The following LUZP2 variants were observed in gnomAD, a reference collection of about 807,000 sequenced individuals.
LUZP2 encodes the protein leucine zipper protein 2.
A neutral mutation model predicts 51.6 loss-of-function variants in LUZP2; 52 were observed. That is an observed-to-expected ratio of 1.01 (90% CI 0.81 to 1.27). The LOEUF (loss-of-function observed/expected upper bound fraction) is 1.27, where lower values mean the gene tolerates loss of function less well. LUZP2 is among the 50% of genes most tolerant of loss of function. LUZP2 has a pLI of 0.00. For synonymous variants in LUZP2, 154 were observed against 137.3 expected, an observed-to-expected ratio of 1.12 and a Z score of -0.85; for missense variants, 436 against 395.4, an observed-to-expected ratio of 1.10 and a Z score of -0.87.
At position 25,077,510 on chromosome 11, in the gene LUZP2, AT is replaced by A. The variant is rs374182048; in HGVS notation, c.936+111del. On this transcript the variant is annotated intron_variant, in intron 11 of 11. Transcript: ENST00000336930. Reference sequence around the variant, plus strand: ...ATTATTTTTTATTTTTTATTTATTTATTTTTTTGAGACAGAGTCTTGCTCTA... The same window carrying A: ...ATTATTTTTTATTTTTTATTTATTTATTTTTTGAGACAGAGTCTTGCTCTA... 4.9e-3 allele frequency: 1,873 copies of A among 385,454 alleles called. 37 individuals carry two copies. Among genetic ancestry groups the A allele is most frequent in the African/African-American group, 0.038 (1,745 of 46,042 alleles). The allele number at this position is 385,454 out of a possible 1,614,324, so 23.9% of individuals were successfully genotyped here. A position where few individuals can be genotyped will look rare whatever the true frequency, so the allele number is the denominator to read the frequency against.
chr11:24,998,252 G>T (rs1004589088), intron 9 of LUZP2, among the ~76,000 whole-genome samples: 6 of 152,174 alleles, frequency 3.9e-5, no homozygotes, highest in Non-Finnish European at 7.3e-5. Flanking sequence ...CTACCCATGA[G>T]CATGGAATGT....
intron 1 of LUZP2, among the ~76,000 whole-genome samples, chr11:24,539,725 GC>G (rs1851296387): frequency 6.6e-6 from 1 of 151,950 alleles, no homozygotes; most frequent in South Asian, 2.1e-4. Flanking sequence ...AACCTACAAT[GC>G]CTTTTAGCTG....
At chr11:24,651,394 A>C (rs1397648289) in intron 1 of LUZP2, among the ~76,000 whole-genome samples, 1 of 152,106 alleles carries the variant, frequency 6.6e-6, no homozygotes, top group Non-Finnish European at 1.5e-5. Flanking sequence ...ACACAACTAC[A>C]AATACACACA....
chr11:24,677,414 T>C (rs991374802), intron 1 of LUZP2, among the ~76,000 whole-genome samples: 5 of 152,338 alleles, frequency 3.3e-5, no homozygotes, highest in African/African-American at 1.2e-4. Flanking sequence ...ACTTCTGTCT[T>C]CGTGTAGGTA....
chr11:25,042,651 A>G (rs1429117615), intron 9 of LUZP2, among the ~76,000 whole-genome samples: 1 of 152,190 alleles, frequency 6.6e-6, no homozygotes, highest in Non-Finnish European at 1.5e-5. Flanking sequence ...GAAATCTGCC[A>G]GGACTATACT....
chr11:24,532,571 C>A (rs1851041129), intron 1 of LUZP2, among the ~76,000 whole-genome samples: 1 of 150,976 alleles, frequency 6.6e-6, no homozygotes, highest in Non-Finnish European at 1.5e-5. Flanking sequence ...GTCGCTATAA[C>A]TAGTATATAC....
chr11:24,868,306 C>T (rs1565020899), intron 5 of LUZP2, among the ~76,000 whole-genome samples: 1 of 150,564 alleles, frequency 6.6e-6, no homozygotes, highest in East Asian at 1.9e-4. Flanking sequence ...ACAAACCTCA[C>T]CTCATTAGTT....
At chr11:24,715,193 C>T (rs1590388772) in intron 1 of LUZP2, among the ~76,000 whole-genome samples, 1 of 150,366 alleles carries the variant, frequency 6.7e-6, no homozygotes, top group Non-Finnish European at 1.5e-5. Flanking sequence ...AAATTATATG[C>T]AAATACTAGT....
chr11:25,028,809 C>T (rs1166255864), intron 9 of LUZP2, among the ~76,000 whole-genome samples: 1 of 151,870 alleles, frequency 6.6e-6, no homozygotes. Flanking sequence ...CTGTCATATT[C>T]CTAAAATTTT....
At chr11:24,942,819 C>T (rs552960305) in intron 7 of LUZP2, among the ~76,000 whole-genome samples, 9 of 152,172 alleles carry the variant, frequency 5.9e-5, no homozygotes, top group African/African-American at 2.2e-4. Flanking sequence ...TAAAGTTTGT[C>T]CTTGTGTTTT....
intron 9 of LUZP2, among the ~76,000 whole-genome samples, chr11:25,015,375 C>T (rs922999194): frequency 1.3e-5 from 2 of 152,112 alleles, no homozygotes; most frequent in African/African-American, 4.8e-5. Flanking sequence ...TTGTACAATA[C>T]TATTACCAAA....
chr11:24,707,387 A>G (rs4313588), intron 1 of LUZP2, among the ~76,000 whole-genome samples: 77,129 of 151,788 alleles, frequency 0.51, 20,382 homozygotes, highest in East Asian at 0.97. Flanking sequence ...CAGTCTTAAA[A>G]ATATCATGTG....
At chr11:24,561,619 C>T (rs1346411550) in intron 1 of LUZP2, among the ~76,000 whole-genome samples, 1 of 152,032 alleles carries the variant, frequency 6.6e-6, no homozygotes, top group Non-Finnish European at 1.5e-5. Context: ...GGTAGTTGAA[C>T]AACGAGAATA....
chr11:24,820,593 T>G lies in LUZP2; in HGVS notation c.396+57285T>G, dbSNP rs115517623. ...GATGAGATCTGAAAAATAATAAATG[T>G]AGATAACTGACAGTAGGATTAGGGG... is the stretch of plus-strand genomic sequence containing the variant. On this transcript the variant is annotated intron_variant, in intron 5 of 11. Transcript: ENST00000336930. Among the ~76,000 whole-genome samples, 630 of 152,100 alleles carry G rather than the reference T, an allele frequency of 4.1e-3. 6 individuals carry two copies. Among genetic ancestry groups the G allele is most frequent in the African/African-American group, 0.014 (599 of 41,518 alleles).
At chr11:25,031,902 G>A (rs1028843566) in intron 9 of LUZP2, among the ~76,000 whole-genome samples, 3 of 151,908 alleles carry the variant, frequency 2.0e-5, no homozygotes, top group Non-Finnish European at 2.9e-5. Flanking sequence ...GTTAGATTAC[G>A]TGACAAAGAA....
chr11:24,698,912 G>C (rs1247754046), intron 1 of LUZP2, among the ~76,000 whole-genome samples: 1 of 151,976 alleles, frequency 6.6e-6, no homozygotes, highest in Non-Finnish European at 1.5e-5. Flanking sequence ...ATAAAAATTA[G>C]CTGATTGTGG....
chr11:25,006,758 C>T (rs193111229), intron 9 of LUZP2, among the ~76,000 whole-genome samples: 795 of 152,218 alleles, frequency 5.2e-3, no homozygotes, highest in Non-Finnish European at 8.4e-3. Context: ...TTCTTGGTCT[C>T]GCTAACTTCA....
At chr11:24,599,823 A>G (rs1423801996) in intron 1 of LUZP2, among the ~76,000 whole-genome samples, 2 of 152,144 alleles carry the variant, frequency 1.3e-5, no homozygotes, top group Non-Finnish European at 2.9e-5. Context: ...GTACGTAAAA[A>G]AAACAAGATT....
intron 5 of LUZP2, among the ~76,000 whole-genome samples, chr11:24,816,968 G>T (rs1333019378): frequency 2.0e-5 from 3 of 151,918 alleles, no homozygotes; most frequent in Admixed American, 6.6e-5. Flanking sequence ...CATATTTTAA[G>T]ACATAACCCA....
Sources: gnomAD v4.1 joint callset for allele counts (sites outside exome capture counted in the v4.1 genomes callset) on GRCh38, gnomAD v4.1.1 for gene constraint, MANE v1.5 for transcripts, NCBI Gene and HGNC (gene_info 2026-07-23, HGNC 2026-07-21) for gene names.